PLEKHM3: variants seen among roughly 807,000 people sequenced by gnomAD.
PLEKHM3 encodes the protein pleckstrin homology domain-containing family M member 3.
PLEKHM3 carries 45 observed loss-of-function variants against 81.8 expected under a neutral mutation model. That is an observed-to-expected ratio of 0.55 (90% confidence interval 0.43 to 0.71). The LOEUF (loss-of-function observed/expected upper bound fraction) is 0.71, where lower values mean the gene tolerates loss of function less well. Among genes scored for constraint, PLEKHM3 ranks in the 30% least tolerant of loss-of-function variants. The pLI is 0.00. For missense variants in PLEKHM3, 788 were observed against 924.3 expected (o/e 0.85, Z 1.91); for synonymous variants, 352 against 356.4 (o/e 0.99, Z 0.14).
rs535442456 is a variant in PLEKHM3 at position 207,951,257 on chromosome 2, C to T, written c.1547-4745G>A. Among the ~76,000 whole-genome samples, 13 of 151,770 alleles carry T rather than the reference C, an allele frequency of 8.6e-5. No individual in the cohort carries two copies. The East Asian group carries it at 2.1e-3, about 25-fold the overall frequency. ...AGTGTCAAAGCTGGACTCTGAAAAG[C>T]GACATTATGGGAAGAAAAATAGAGC... is the stretch of plus-strand genomic sequence containing the variant. On this transcript the variant is annotated intron_variant, in intron 3 of 7. Transcript: ENST00000427836.
In PLEKHM3 at chr2:208,001,172, T is replaced by G. The variant is rs1157091975; in HGVS notation, c.468A>C (p.Gln156His). 6.2e-7 allele frequency: 1 copy of G among 1,613,980 alleles called. No homozygotes were observed. The highest frequency in any genetic ancestry group is 8.5e-7 in the Non-Finnish European group (1 of 1,180,010). The change falls in exon 2 of 8, where the codon CAA becomes CAC. Residue 156 changes from glutamine to histidine, a missense_variant. Gln to His is a conservative substitution (Grantham distance 24). Coordinates refer to ENST00000427836, the MANE Select transcript of PLEKHM3 (RefSeq NM_001080475.3). ...TTTTGAGGACTACCCTCCAGTCCACTTGGGTAATATCTGATCGTGATCGAG... is the reference window on the plus strand; with the variant it reads ...TTTTGAGGACTACCCTCCAGTCCACGTGGGTAATATCTGATCGTGATCGAG... ...GHARSRSDITQVDWRVVLKTT... is the reference protein window; with the variant it reads ...GHARSRSDITHVDWRVVLKTT...
At chr2:207,887,801 G>A (rs1202945833) in intron 6 of PLEKHM3, among the ~76,000 whole-genome samples, 1 of 152,152 alleles carries the variant, frequency 6.6e-6, no homozygotes, top group Non-Finnish European at 1.5e-5. Context: ...AGCACTGCCA[G>A]GGCAGTCAAG....
chr2:207,931,366 CATGTGA>C, intron 4 of PLEKHM3, among the ~76,000 whole-genome samples: 1 of 152,320 alleles, frequency 6.6e-6, no homozygotes, highest in African/African-American at 2.4e-5. Flanking sequence ...GGAACCTACA[CATGTGA>C]CAGAACGGCA....
chr2:207,896,798 C>T (rs1419692630), intron 6 of PLEKHM3, among the ~76,000 whole-genome samples: 1 of 152,172 alleles, frequency 6.6e-6, no homozygotes, highest in Non-Finnish European at 1.5e-5. Context: ...TTTGTTTCTG[C>T]CAACATTTCA....
chr2:207,848,552 T>C (rs962330742), intron 7 of PLEKHM3, among the ~76,000 whole-genome samples: 7 of 152,246 alleles, frequency 4.6e-5, no homozygotes, highest in Non-Finnish European at 1.0e-4. Context: ...CAGCACCATC[T>C]ATGGGAAGAA....
intron 3 of PLEKHM3, 93 bp from the exon 4 acceptor site, chr2:207,946,605 T>A (rs764185872): frequency 3.8e-5 from 56 of 1,458,744 alleles, no homozygotes; most frequent in Non-Finnish European, 5.1e-5. Context: ...AGAACAAGGT[T>A]ATATTTCATT....
intron 7 of PLEKHM3, among the ~76,000 whole-genome samples, chr2:207,837,604 A>G (rs996072714): frequency 6.6e-6 from 1 of 150,386 alleles, no homozygotes; most frequent in African/African-American, 2.4e-5. Flanking sequence ...CATCTCAATA[A>G]AATAAAATAA....
At chr2:207,890,669 C>A (rs1386647802) in intron 6 of PLEKHM3, among the ~76,000 whole-genome samples, 1 of 152,084 alleles carries the variant, frequency 6.6e-6, no homozygotes, top group Non-Finnish European at 1.5e-5. Context: ...ACTGTAAGAC[C>A]TGACAATAGA....
intron 2 of PLEKHM3, among the ~76,000 whole-genome samples, chr2:207,989,387 T>C (rs1025394543): frequency 2.0e-5 from 3 of 152,244 alleles, no homozygotes; most frequent in African/African-American, 7.2e-5. Context: ...TGAGGTAGAC[T>C]TTGAAGACAG....
chr2:207,828,427 A>C lies in PLEKHM3; in HGVS notation c.2178T>G (p.Val726=). ...KEKSVPCPRC[V]RRELQKKQKS... ...TCTGCTTCTTCTGCAGCTCTCGGCG[A>C]ACACACCTCGGGCAGGGGACAGACT... The change falls in exon 8 of 8, where the codon GTT becomes GTG. Residue 726 remains valine, a synonymous_variant. Transcript: ENST00000427836. 6.2e-7 allele frequency: 1 copy of C among 1,614,150 alleles called. No individual in the cohort carries two copies. The highest frequency in any genetic ancestry group is 1.1e-5 in the South Asian group (1 of 91,068).
At chr2:207,831,614 G>C (rs1380839063) in intron 7 of PLEKHM3, among the ~76,000 whole-genome samples, 1 of 152,212 alleles carries the variant, frequency 6.6e-6, no homozygotes, top group Non-Finnish European at 1.5e-5. Flanking sequence ...ACTTTTAAGT[G>C]GAAGGACTAC....
intron 4 of PLEKHM3, among the ~76,000 whole-genome samples, chr2:207,937,847 G>A (rs544244785): frequency 3.9e-5 from 6 of 152,118 alleles, no homozygotes; most frequent in African/African-American, 9.6e-5. Context: ...CAATTCTAAC[G>A]GTAATACTTC....
Position 207,826,935 on chromosome 2 carries a change from G to A in PLEKHM3, c.*1384C>T, listed in dbSNP as rs1409405076. 1 of 152,168 alleles carries A rather than the reference G, an allele frequency of 6.6e-6. No homozygotes were observed. The highest frequency in any genetic ancestry group is 2.4e-5 in the African/African-American group (1 of 41,428). 9.4% of individuals were successfully genotyped at this position (152,168 alleles called of 1,614,324 possible). A position where few individuals can be genotyped will look rare whatever the true frequency, so the allele number is the denominator to read the frequency against. On this transcript the variant is annotated 3_prime_UTR_variant, in exon 8 of 8. Transcript: ENST00000427836. ...TCAGGGTCCCAGGGCTGTCCTACCT[G>A]CCGTTTTGGTCACAGTGACTGCCAC...
At position 208,025,380 on chromosome 2, in the gene PLEKHM3, GA is replaced by G. The variant is rs1449410167; in HGVS notation, c.-319+8del. The G allele has an allele frequency of 1.3e-5, 2 of 152,378 alleles. No individual in the cohort carries two copies. The highest frequency in any genetic ancestry group is 2.9e-5 in the Non-Finnish European group (2 of 68,170). The allele number at this position is 152,378 out of a possible 1,614,324, so 9.4% of individuals were successfully genotyped here. ...CGGCCAGGCAGCACAGAAGCAGACG[GA>G]TGCTCACCTGGGCCCCGGCTGCTAC... On this transcript the variant is annotated splice_region_variant and intron_variant, in intron 1 of 7. Transcript: ENST00000427836.
intron 2 of PLEKHM3, among the ~76,000 whole-genome samples, chr2:207,997,700 T>C (rs961012550): frequency 6.6e-6 from 1 of 152,136 alleles, no homozygotes; most frequent in Non-Finnish European, 1.5e-5. Flanking sequence ...TGAGACACTT[T>C]GAATTTGAGG....
At chr2:207,875,645 A>G (rs1271853585) in intron 6 of PLEKHM3, among the ~76,000 whole-genome samples, 1 of 152,218 alleles carries the variant, frequency 6.6e-6, no homozygotes, top group African/African-American at 2.4e-5. Context: ...AACACTGGCC[A>G]GATTGAAAAC....
intron 6 of PLEKHM3, among the ~76,000 whole-genome samples, chr2:207,907,400 G>A (rs1042626443): frequency 9.2e-5 from 14 of 152,110 alleles, no homozygotes; most frequent in Non-Finnish European, 1.6e-4. Flanking sequence ...TACTCGGGAG[G>A]CTGAGGCAGG....
At chr2:207,836,022 C>T (rs1480851119) in intron 7 of PLEKHM3, among the ~76,000 whole-genome samples, 1 of 152,090 alleles carries the variant, frequency 6.6e-6, no homozygotes, top group East Asian at 1.9e-4. Context: ...GACATGGGAC[C>T]AGGAAGGGAG....
intron 1 of PLEKHM3, among the ~76,000 whole-genome samples, chr2:208,011,785 CTTT>C (rs1177948830): frequency 1.0e-4 from 8 of 79,986 alleles, no homozygotes; most frequent in African/African-American, 4.8e-4. Context: ...CTCTGATAAA[CTTT>C]TTTTTTTTTT....
Sources: gnomAD v4.1 joint callset for allele counts (sites outside exome capture counted in the v4.1 genomes callset) on GRCh38, gnomAD v4.1.1 for gene constraint, MANE v1.5 for transcripts, NCBI Gene and HGNC (gene_info 2026-07-23, HGNC 2026-07-21) for gene names.